Variants in KCTD1 observed in about 807,000 individuals in gnomAD.
KCTD1 encodes the protein BTB/POZ domain-containing protein KCTD1.
KCTD1 carries 24 observed loss-of-function variants against 66.0 expected under a neutral mutation model. That is an observed-to-expected ratio of 0.36 (90% CI 0.26 to 0.51). The LOEUF (loss-of-function observed/expected upper bound fraction) is 0.51, where lower values mean the gene tolerates loss of function less well. KCTD1 is among the 20% of genes least tolerant of loss of function. The pLI, the probability that KCTD1 is intolerant of heterozygous loss-of-function variation, is 0.95. For missense variants in KCTD1, 943 were observed against 1,205.2 expected (o/e 0.78, Z 3.22); for synonymous variants, 511 against 517.2 (o/e 0.99, Z 0.16).
At chr18:26,467,388 T>C (rs1007430501) in intron 3 of KCTD1, among the ~76,000 whole-genome samples, 2 of 152,136 alleles carry the variant, frequency 1.3e-5, no homozygotes, top group African/African-American at 4.8e-5. Context: ...TGGTGGTGCA[T>C]GCCTGCAGCC....
chr18:26,558,949 A>G (rs545146842), intron 1 of KCTD1, among the ~76,000 whole-genome samples: 12 of 152,110 alleles, frequency 7.9e-5, no homozygotes, highest in South Asian at 2.1e-4. Context: ...AGAAAAAAAA[A>G]AGAGAAAAGA....
chr18:26,630,943 T>C (rs1395016856), upstream of KCTD1, among the ~76,000 whole-genome samples: 2 of 152,130 alleles, frequency 1.3e-5, no homozygotes, highest in Admixed American at 1.3e-4. Context: ...TTTAGAATTT[T>C]GGAAAACTTC....
intron 1 of KCTD1, among the ~76,000 whole-genome samples, chr18:26,514,367 A>T (rs879570222): frequency 6.6e-6 from 1 of 152,130 alleles, no homozygotes; most frequent in Admixed American, 6.5e-5. Context: ...AGCCTGGGCA[A>T]CACAGTGAGA....
intron 1 of KCTD1, among the ~76,000 whole-genome samples, chr18:26,593,658 A>G (rs1181420056): frequency 3.9e-3 from 241 of 61,602 alleles, no homozygotes; most frequent in Middle Eastern, 0.01. Context: ...AAGAGGAGGA[A>G]GAGGAGGAGG....
chr18:26,524,196 G>T (rs534315465), intron 1 of KCTD1, among the ~76,000 whole-genome samples: 2 of 152,252 alleles, frequency 1.3e-5, no homozygotes, highest in East Asian at 3.9e-4. Context: ...TTCCAGCAGG[G>T]GTAGGGGGAT....
intron 1 of KCTD1, among the ~76,000 whole-genome samples, chr18:26,611,719 A>T (rs1463865064): frequency 6.6e-6 from 1 of 152,184 alleles, no homozygotes; most frequent in Non-Finnish European, 1.5e-5. Context: ...GTTTTCATTG[A>T]TTGACTATTC....
intron 1 of KCTD1, among the ~76,000 whole-genome samples, chr18:26,572,917 G>T (rs1415620317): frequency 2.0e-5 from 3 of 152,020 alleles, no homozygotes; most frequent in Non-Finnish European, 4.4e-5. Flanking sequence ...TGAAGGAAAT[G>T]ATTTTATATT....
At chr18:26,593,631 T>C (rs376819591) in intron 1 of KCTD1, among the ~76,000 whole-genome samples, 1,541 of 27,458 alleles carry the variant, frequency 0.056, 18 homozygotes, top group East Asian at 0.087. Flanking sequence ...AGGAGGAAGA[T>C]GAGGAGGAAG....
upstream of KCTD1, among the ~76,000 whole-genome samples, chr18:26,643,597 G>C (rs895825269): frequency 1.3e-5 from 2 of 152,236 alleles, no homozygotes; most frequent in Non-Finnish European, 2.9e-5. Context: ...AATTTGGGAA[G>C]AGTAAAGAGA....
chr18:26,459,796 C>T lies in KCTD1; in HGVS notation c.2263G>A (p.Val755Met). ...SRPCECLVVR[V>M]APDLGERITL... ...ATCCTTTCTCCGAGGTCTGGGGCCA[C>T]ACGCACGACGAGGCACTCACAGGGC... The change falls in exon 4 of 5, where the codon GTG (valine) becomes ATG (methionine). Residue 755 changes from valine (V) to methionine (M), a missense_variant. Physicochemically the swap from Val to Met is conservative, Grantham distance 21 (BLOSUM62 1). Coordinates refer to ENST00000580059, the MANE Select transcript of KCTD1 (RefSeq NM_001142730.3). The T allele has an allele frequency of 6.2e-7, 1 of 1,614,220 alleles. No individual in the cohort carries two copies. The highest frequency in any genetic ancestry group is 8.5e-7 in the Non-Finnish European group (1 of 1,180,042).
At chr18:26,555,119 AT>A (rs757434408) in intron 1 of KCTD1, among the ~76,000 whole-genome samples, 4 of 152,222 alleles carry the variant, frequency 2.6e-5, no homozygotes, top group Non-Finnish European at 4.4e-5. Flanking sequence ...TGTAACAAAT[AT>A]GTATTTTTTA....
chr18:26,456,334 A>G (rs557495567), intron 4 of KCTD1: 1 of 153,776 alleles, frequency 6.5e-6, no homozygotes, highest in East Asian at 1.9e-4. Context: ...ATGAGATGAT[A>G]AAGAATCTGG....
chr18:26,525,378 G>A (rs1372256165), intron 1 of KCTD1, among the ~76,000 whole-genome samples: 1 of 152,170 alleles, frequency 6.6e-6, no homozygotes, highest in South Asian at 2.1e-4. Context: ...TTCCAGGGCT[G>A]AATTCAGGGA....
intron 1 of KCTD1, among the ~76,000 whole-genome samples, chr18:26,646,224 C>A (rs1412743908): frequency 1.3e-5 from 2 of 152,178 alleles, no homozygotes; most frequent in African/African-American, 4.8e-5. Context: ...CCTCTGTTAG[C>A]ATGGATCAAG....
chr18:26,621,971 G>A (rs1463141705), intron 1 of KCTD1, among the ~76,000 whole-genome samples: 1 of 152,168 alleles, frequency 6.6e-6, no homozygotes, highest in African/African-American at 2.4e-5. Context: ...GTGAATATGG[G>A]CTAATGAAAG....
At chr18:26,583,393 C>CAAAAAAAAAAAAAAAAAAAAAAAAAAAA (rs55720907) in intron 1 of KCTD1, among the ~76,000 whole-genome samples, 2 of 83,824 alleles carry the variant, frequency 2.4e-5, no homozygotes, top group African/African-American at 4.7e-5. Context: ...GACTTTGTCT[C>CAAAAAAAAAAAAAAAAAAAAAAAAAAAA]AAAAAAAAAA....
Position 26,620,550 on chromosome 18 carries a change from C to T in KCTD1, c.-16+8597G>A, listed in dbSNP as rs1376897339. 4.7e-5 allele frequency among the ~76,000 whole-genome samples: 7 copies of T among 150,064 alleles called. No homozygotes were observed. In the East Asian group the frequency reaches 1.2e-3, roughly 25 times the overall value. ...CTCCGGGGCTCAAGCTCTCCTCCCA[C>T]GTCAGTCTCCTGAGTAGCTGGGACT... On this transcript the variant is annotated intron_variant, in intron 1 of 4. Transcript: ENST00000317932.
chr18:26,495,157 G>A (rs1241437240), intron 2 of KCTD1, among the ~76,000 whole-genome samples: 1 of 151,948 alleles, frequency 6.6e-6, no homozygotes, highest in African/African-American at 2.4e-5. Context: ...CTTGCACGAT[G>A]AGGCTGCTGA....
At chr18:26,615,948 G>T (rs754494543) in intron 1 of KCTD1, among the ~76,000 whole-genome samples, 1 of 151,772 alleles carries the variant, frequency 6.6e-6, no homozygotes, top group South Asian at 2.1e-4. Context: ...CCGCCACCAC[G>T]CCCTGCTAAT....
Sources: gnomAD v4.1 joint callset for allele counts (sites outside exome capture counted in the v4.1 genomes callset) on GRCh38, gnomAD v4.1.1 for gene constraint, MANE v1.5 for transcripts, NCBI Gene and HGNC (gene_info 2026-07-23, HGNC 2026-07-21) for gene names.